The following BTBD16 variants were observed in gnomAD, a reference collection of about 807,000 sequenced individuals.
BTBD16 encodes the protein BTB domain containing 16.
Under a neutral mutation model 67.4 loss-of-function variants are expected in BTBD16, and 66 were observed. That is an observed-to-expected ratio of 0.98 (90% CI 0.80 to 1.20). The LOEUF (loss-of-function observed/expected upper bound fraction) is 1.20, where lower values mean the gene tolerates loss of function less well. Among genes scored for constraint, BTBD16 ranks in the 50% most tolerant of loss-of-function variants. The pLI, the probability that BTBD16 is intolerant of heterozygous loss-of-function variation, is 0.00. For missense variants in BTBD16, 634 were observed against 616.0 expected, an observed-to-expected ratio of 1.03 and a Z score of -0.31; for synonymous variants, 242 against 236.4, an observed-to-expected ratio of 1.02 and a Z score of -0.22.
At chr10:122,301,665 G>C (rs1022987360) in intron 9 of BTBD16, among the ~76,000 whole-genome samples, 2 of 152,190 alleles carry the variant, frequency 1.3e-5, no homozygotes, top group African/African-American at 2.4e-5. Context: ...TCATATTAGG[G>C]TGCTTGTGAG....
chr10:122,324,808 C>T (rs2096441540), intron 10 of BTBD16, among the ~76,000 whole-genome samples: 1 of 152,226 alleles, frequency 6.6e-6, no homozygotes, highest in Admixed American at 6.5e-5. Flanking sequence ...TTCTTACTAA[C>T]TTTCCACTTC....
chr10:122,281,192 G>A, intron 3 of BTBD16, among the ~76,000 whole-genome samples: 1 of 152,138 alleles, frequency 6.6e-6, no homozygotes, highest in East Asian at 1.9e-4. Flanking sequence ...CCATAACAAG[G>A]GCGACACCAG....
In BTBD16 at chr10:122,276,901, G is replaced by A. The variant is rs1398171423; in HGVS notation, c.129G>A (p.Leu43=). The change falls in exon 3 of 16, where the codon CTG becomes CTA. Residue 43 remains leucine (L), a synonymous_variant. Coordinates refer to ENST00000260723, the MANE Select transcript of BTBD16 (RefSeq NM_144587.5). ...CACTTTCCCAGATGTGCAAGGCTCTGAGCATAGACTTTGAGGAAGCTTTGA... is the reference window on the plus strand; with the variant it reads ...CACTTTCCCAGATGTGCAAGGCTCTAAGCATAGACTTTGAGGAAGCTTTGA... ...LLSLSQMCKA[L]SIDFEEALRN... The A allele has an allele frequency of 8.1e-6, 13 of 1,614,076 alleles. No individual in the cohort carries two copies. Among genetic ancestry groups the A allele is most frequent in the East Asian group, 2.2e-5 (1 of 44,888 alleles).
In BTBD16 at chr10:122,283,856, G is replaced by T. The variant is rs147828619; in HGVS notation, c.173G>T (p.Cys58Phe). 2 of 1,613,620 alleles carry T rather than the reference G, an allele frequency of 1.2e-6. No individual in the cohort carries two copies. Among genetic ancestry groups the T allele is most frequent in the Non-Finnish European group, 1.7e-6 (2 of 1,179,550 alleles). ...EEALRNPDRL[C>F]ISQIQKFFFE... ...TATTTGCATTTTCCCTTGAGGTTAT[G>T]CATTTCACAAATCCAGAAGTTTTTC... Residue 58 changes from cysteine to phenylalanine, a missense_variant, in exon 4 of 16, where the codon TGC becomes TTC. Coordinates refer to ENST00000260723, the MANE Select transcript of BTBD16 (RefSeq NM_144587.5).
chr10:122,304,367 T>C (rs1490053664), intron 9 of BTBD16, among the ~76,000 whole-genome samples: 2 of 152,004 alleles, frequency 1.3e-5, no homozygotes, highest in South Asian at 4.1e-4. Flanking sequence ...CATAGAGTGG[T>C]TGAATGTGGA....
intron 10 of BTBD16, among the ~76,000 whole-genome samples, chr10:122,314,886 T>C (rs1026166119): frequency 6.6e-6 from 1 of 152,212 alleles, no homozygotes; most frequent in African/African-American, 2.4e-5. Context: ...TCCAGTATCA[T>C]GTTGAGTAGA....
intron 3 of BTBD16, among the ~76,000 whole-genome samples, chr10:122,279,511 A>AACACAC (rs143637448): frequency 0.16 from 22,806 of 143,838 alleles, 1,919 homozygotes; most frequent in Admixed American, 0.24. Context: ...GAGAAAGAGA[A>AACACAC]ACACACACAC....
chr10:122,312,476 C>A (rs2142101755), intron 10 of BTBD16, among the ~76,000 whole-genome samples: 1 of 152,022 alleles, frequency 6.6e-6, no homozygotes, highest in African/African-American at 2.4e-5. Flanking sequence ...CCACACCCAG[C>A]TAATTTTTGT....
chr10:122,326,828 G>A (rs1037821781), intron 10 of BTBD16, among the ~76,000 whole-genome samples: 1 of 152,318 alleles, frequency 6.6e-6, no homozygotes, highest in Non-Finnish European at 1.5e-5. Flanking sequence ...ACCATCGCCT[G>A]AAGGTGTCTC....
intron 10 of BTBD16, among the ~76,000 whole-genome samples, chr10:122,322,646 T>C (rs981146233): frequency 1.3e-5 from 2 of 152,226 alleles, no homozygotes; most frequent in African/African-American, 2.4e-5. Flanking sequence ...CGGTGATTTA[T>C]ACAGAAATAT....
rs2096409486 is a variant in BTBD16, at chr10:122,309,379, T to A, written c.911+2071T>A. 1.3e-5 allele frequency among the ~76,000 whole-genome samples: 2 copies of A among 151,678 alleles called. 1 individual carries two copies. The highest frequency in any genetic ancestry group is 4.2e-4 in the South Asian group (2 of 4,810). ...TTTTTTTTTTGAGAAAGAGTCTCGC[T>A]CTGTCGCCAGGCTGGAGTGCAGTAG... On this transcript the variant is annotated intron_variant, in intron 10 of 15. Transcript: ENST00000260723.
intron 12 of BTBD16, 91 bp downstream of exon 12, chr10:122,331,349 C>T (rs967760426): frequency 2.6e-6 from 4 of 1,556,544 alleles, no homozygotes; most frequent in African/African-American, 1.4e-5. Context: ...CATTTGAAAC[C>T]TCTAAACCTC....
chr10:122,334,494 C>CTTTTTTTT (rs869262992), intron 13 of BTBD16, among the ~76,000 whole-genome samples: 1 of 43,256 alleles, frequency 2.3e-5, no homozygotes, highest in African/African-American at 1.2e-4. Context: ...CGTGCCCGGC[C>CTTTTTTTT]TTTTTTTTTT....
At chr10:122,329,126 T>C (rs2096450511) in intron 10 of BTBD16, among the ~76,000 whole-genome samples, 1 of 152,100 alleles carries the variant, frequency 6.6e-6, no homozygotes, top group Non-Finnish European at 1.5e-5. Flanking sequence ...CACAAGAAGT[T>C]TGTGAGACTC....
chr10:122,329,384 G>C, intron 10 of BTBD16, 96 bp from the exon 11 acceptor site: 2 of 1,173,046 alleles, frequency 1.7e-6, no homozygotes, highest in South Asian at 2.7e-5. Flanking sequence ...GGCTAGTGAA[G>C]CCACTAGTCT....
chr10:122,307,259 A>G lies in BTBD16; in HGVS notation c.862A>G (p.Lys288Glu). The G allele has an allele frequency of 1.2e-6, 2 of 1,610,648 alleles. No homozygotes were observed. The highest frequency in any genetic ancestry group is 1.7e-6 in the Non-Finnish European group (2 of 1,178,996). ...LLWVFLQLNY[K>E]IQAIPTYETV... ...GTGGGTCTTCTTGCAACTGAACTACAAGATTCAGGCAATTCCGACTTATGA... is the reference window on the plus strand; with the variant it reads ...GTGGGTCTTCTTGCAACTGAACTACGAGATTCAGGCAATTCCGACTTATGA... Residue 288 changes from lysine (K) to glutamate (E), a missense_variant, in exon 10 of 16, where the codon AAG becomes GAG. Physicochemically the swap from Lys to Glu is moderately conservative, Grantham distance 56 (BLOSUM62 1). Coordinates refer to ENST00000260723, the MANE Select transcript of BTBD16 (RefSeq NM_144587.5).
chr10:122,317,933 A>G (rs972475644), intron 10 of BTBD16, among the ~76,000 whole-genome samples: 4 of 152,232 alleles, frequency 2.6e-5, no homozygotes, highest in Non-Finnish European at 5.9e-5. Flanking sequence ...TTAAAAGTAT[A>G]TAATAGTACA....
intron 6 of BTBD16, among the ~76,000 whole-genome samples, chr10:122,290,316 A>ACACC (rs1005365506): frequency 2.9e-4 from 44 of 152,272 alleles, no homozygotes; most frequent in Non-Finnish European, 5.7e-4. Context: ...CTTTAGGCTC[A>ACACC]CACCCACCCA....
chr10:122,283,962 G>A (rs1445903092), intron 4 of BTBD16, 38 bp downstream of exon 4: 1 of 1,493,092 alleles, frequency 6.7e-7, no homozygotes, highest in African/African-American at 1.4e-5. Flanking sequence ...CCAGAATGTT[G>A]CTGATTTCAG....
Sources: allele counts gnomAD v4.1 joint callset (sites outside exome capture counted in the v4.1 genomes callset), GRCh38; gene constraint gnomAD v4.1.1; transcripts MANE v1.5; gene names NCBI Gene and HGNC (gene_info 2026-07-23, HGNC 2026-07-21).